RELN: variants seen among roughly 807,000 people sequenced by gnomAD.
RELN encodes reelin.
In RELN, 108 loss-of-function variants were observed where a neutral mutation model predicts 427.6. The observed-to-expected ratio is 0.25, with a 90% CI of 0.22 to 0.30. RELN has a LOEUF of 0.30. RELN is among the 10% of genes least tolerant of loss of function. The pLI is 1.00. For missense variants in RELN, 3,715 were observed against 4,302.8 expected (o/e 0.86, Z 3.82); for synonymous variants, 1,524 against 1,513.4 (o/e 1.01, Z -0.16).
rs548665718 is a variant in RELN at position 103,636,927 on chromosome 7, C to T, written c.2070-459G>A. Among the ~76,000 whole-genome samples, 6 of 152,200 alleles carry T rather than the reference C, an allele frequency of 3.9e-5. No homozygotes were observed. In the East Asian group the frequency reaches 1.2e-3, roughly 29 times the overall value. ...AGGAATTAATTTAAATATTTAGAAA[C>T]TATTGGAAAATGAATCTATCTTTAA... is the stretch of plus-strand genomic sequence containing the variant. On this transcript the variant is annotated intron_variant, in intron 17 of 64. Transcript: ENST00000428762.
chr7:103,780,593 T>C (rs1353923216), intron 3 of RELN, among the ~76,000 whole-genome samples: 3 of 152,144 alleles, frequency 2.0e-5, no homozygotes, highest in Admixed American at 6.6e-5. Flanking sequence ...GTTGTTCCTC[T>C]CTATGTGTCC....
intron 58 of RELN, among the ~76,000 whole-genome samples, chr7:103,491,465 A>C (rs1046328174): frequency 3.3e-5 from 5 of 152,208 alleles, no homozygotes; most frequent in Non-Finnish European, 7.3e-5. Context: ...TTTTGAAAAT[A>C]AGACATATGT....
rs578254158 is a variant in RELN at position 103,773,768 on chromosome 7, C to T, written c.544+2789G>A. Among the ~76,000 whole-genome samples the T allele has an allele frequency of 7.9e-4, 120 of 152,118 alleles. 2 individuals carry two copies. Among genetic ancestry groups the T allele is most frequent in the Admixed American group, 1.8e-3 (27 of 15,268 alleles). On this transcript the variant is annotated intron_variant, in intron 4 of 64. Transcript: ENST00000428762. ...TACAGGCATGACCCACTGCGCGCGG[C>T]CTCCTCTCCTTTTCTCTTAAACCTC...
rs111672292 is a variant in RELN, at chr7:103,489,205, T to G, written c.9763+537A>C. 1.4e-4 allele frequency among the ~76,000 whole-genome samples: 19 copies of G among 138,980 alleles called. No homozygotes were observed. In the East Asian group the frequency reaches 3.2e-3, roughly 24 times the overall value. The allele number at this position is 138,980 out of a possible 152,430, so 91.2% of individuals were successfully genotyped here. On this transcript the variant is annotated intron_variant, in intron 60 of 64. Coordinates refer to ENST00000428762, the MANE Select transcript of RELN (RefSeq NM_005045.4). Reference sequence around the variant, plus strand: ...TGTATTTCTTTGAGTCATAAAGGGGTGTGTGTGTGTGTGTGTGTGTGTGTC... The same window carrying G: ...TGTATTTCTTTGAGTCATAAAGGGGGGTGTGTGTGTGTGTGTGTGTGTGTC...
At chr7:103,658,449 T>C (rs1380917403) in intron 12 of RELN, among the ~76,000 whole-genome samples, 1 of 152,110 alleles carries the variant, frequency 6.6e-6, no homozygotes, top group African/African-American at 2.4e-5. Flanking sequence ...TTAAAGTGTT[T>C]TCTATAGGTC....
chr7:103,979,183 C>A (rs970575803), intron 1 of RELN, among the ~76,000 whole-genome samples: 2 of 152,206 alleles, frequency 1.3e-5, no homozygotes, highest in African/African-American at 2.4e-5. Context: ...AATCTCTCCT[C>A]GGCCCTTTTA....
intron 1 of RELN, among the ~76,000 whole-genome samples, chr7:103,920,593 T>TTTTTTTTTTTTTTTTTTTTTGA (rs57282777): frequency 1.5e-5 from 2 of 129,420 alleles, no homozygotes; most frequent in African/African-American, 6.1e-5. Flanking sequence ...TTTTTTTTTT[T>TTTTTTTTTTTTTTTTTTTTTGA]GAGAGAGTCT....
chr7:103,478,438 G>A, intron 63 of RELN, 44 bp from the exon 64 acceptor site: 1 of 743,976 alleles, frequency 1.3e-6, no homozygotes, highest in Non-Finnish European at 2.5e-6. Context: ...TATAACACAA[G>A]TTAAAAAATG....
intron 57 of RELN, among the ~76,000 whole-genome samples, chr7:103,493,917 T>A (rs763815012): frequency 1.3e-5 from 2 of 152,164 alleles, no homozygotes; most frequent in Non-Finnish European, 1.5e-5. Flanking sequence ...AGACTCTCTT[T>A]TTTTCCTAAA....
In RELN at chr7:103,492,044, A is replaced by T. The variant is rs755641286; in HGVS notation, c.9370-18T>A. 1.7e-5 allele frequency: 27 copies of T among 1,590,034 alleles called. No individual in the cohort carries two copies. Among genetic ancestry groups the T allele is most frequent in the Non-Finnish European group, 2.3e-5 (27 of 1,160,498 alleles). On this transcript the variant is annotated intron_variant, in intron 57 of 64. Coordinates refer to ENST00000428762, the MANE Select transcript of RELN (RefSeq NM_005045.4). The stretch of plus-strand genomic sequence containing the variant: ...ACCACAATCTAAAACAAACATAAAC[A>T]ATCAATACACAGGTAAGATTAGATG...
intron 7 of RELN, 24 bp downstream of exon 7, chr7:103,728,087 T>G: frequency 6.2e-7 from 1 of 1,608,074 alleles, no homozygotes; most frequent in Non-Finnish European, 8.5e-7. Context: ...AATGGAATAA[T>G]GTACATGAAT....
intron 6 of RELN, among the ~76,000 whole-genome samples, chr7:103,740,686 T>A (rs1021920352): frequency 1.3e-5 from 2 of 152,202 alleles, no homozygotes; most frequent in African/African-American, 4.8e-5. Flanking sequence ...TGAGATAGAA[T>A]TAAAAGTTGA....
intron 28 of RELN, among the ~76,000 whole-genome samples, chr7:103,585,659 T>C (rs1831253209): frequency 6.6e-6 from 1 of 152,156 alleles, no homozygotes. Context: ...CCAATCTTAC[T>C]AAAGAGATTC....
At chr7:103,759,434 G>T (rs1464897165) in intron 4 of RELN, among the ~76,000 whole-genome samples, 1 of 152,046 alleles carries the variant, frequency 6.6e-6, no homozygotes, top group Middle Eastern at 3.2e-3. Flanking sequence ...TTTAAACAAG[G>T]TTATTATTTA....
At chr7:103,699,047 T>A (rs530298497) in intron 9 of RELN, among the ~76,000 whole-genome samples, 1 of 152,216 alleles carries the variant, frequency 6.6e-6, no homozygotes, top group Non-Finnish European at 1.5e-5. Context: ...TGATTTTTTA[T>A]ATTACCTCTA....
chr7:103,642,694 G>C (rs1246850420), intron 16 of RELN, among the ~76,000 whole-genome samples: 1 of 152,066 alleles, frequency 6.6e-6, no homozygotes, highest in Non-Finnish European at 1.5e-5. Context: ...AGGCTTACAT[G>C]TGCTTCATTG....
Position 103,589,684 on chromosome 7 carries a change from C to T in RELN, c.4057G>A (p.Glu1353Lys), listed in dbSNP as rs768750792. Residue 1353 changes from glutamate to lysine, a missense_variant, in exon 28 of 65, where the codon GAA becomes AAA. Glu to Lys is a moderately conservative substitution (Grantham distance 56, BLOSUM62 1). This residue lies in a region of RELN where 2,208 missense variants were observed against 2,361.7 expected (regional missense o/e 0.93). Transcript: ENST00000428762. Reference protein sequence around the residue: ...AGKGCEGNSRELSEPTMYHTG... With the variant: ...AGKGCEGNSRKLSEPTMYHTG... ...TGATACATGGTGGGCTCACTTAGTT[C>T]TCTGGAGTTTCCTTCGCATCCTTTG... The T allele has an allele frequency of 6.2e-7, 1 of 1,614,094 alleles. No individual in the cohort carries two copies. Among genetic ancestry groups the T allele is most frequent in the Non-Finnish European group, 8.5e-7 (1 of 1,179,982 alleles).
At chr7:103,495,502 C>T (rs572574423) in intron 57 of RELN, among the ~76,000 whole-genome samples, 1 of 152,200 alleles carries the variant, frequency 6.6e-6, no homozygotes, top group African/African-American at 2.4e-5. Context: ...CTAATAGTTA[C>T]ATTTCTTGCT....
chr7:103,952,487 T>C (rs73405623), intron 1 of RELN, among the ~76,000 whole-genome samples: 11,824 of 152,194 alleles, frequency 0.078, 617 homozygotes, highest in East Asian at 0.2. Flanking sequence ...TGTCTCCTGA[T>C]GCATTTTTAT....
Sources: gnomAD v4.1 joint callset for allele counts (sites outside exome capture counted in the v4.1 genomes callset) on GRCh38, gnomAD v4.1.1 for gene constraint, gnomAD v4.1.1 regional missense constraint, MANE v1.5 for transcripts, NCBI Gene and HGNC (gene_info 2026-07-23, HGNC 2026-07-21) for gene names.